Variants in SNX5 observed in about 807,000 individuals in gnomAD.
SNX5 encodes sorting nexin-5.
SNX5 carries 31 observed loss-of-function variants against 53.9 expected under a neutral mutation model. That is an observed-to-expected ratio of 0.58 (90% CI 0.43 to 0.78). The LOEUF (loss-of-function observed/expected upper bound fraction) is 0.78, where lower values mean the gene tolerates loss of function less well. Ranked by LOEUF, SNX5 falls within the 30% of genes least tolerant of loss-of-function variation. The pLI is 0.00. For missense variants in SNX5, 471 were observed against 478.8 expected (o/e 0.98, Z 0.15); for synonymous variants, 168 against 171.1 (o/e 0.98, Z 0.14).
chr20:17,952,488 T>C, intron 5 of SNX5, 99 bp downstream of exon 5: 1 of 1,214,886 alleles, frequency 8.2e-7, no homozygotes, highest in Non-Finnish European at 1.1e-6. Flanking sequence ...TTCCATTGTG[T>C]AAGAAATTCA....
chr20:17,961,408 T>C, intron 1 of SNX5: 1 of 985,466 alleles, frequency 1.0e-6, no homozygotes. Context: ...TAAGTGGTTA[T>C]GGTGACTGCA....
In SNX5 at chr20:17,968,481, GGCCGCC is replaced by G. The variant is rs767551520; in HGVS notation, c.-62_-57del. The G allele has an allele frequency of 2.3e-6, 3 of 1,283,400 alleles. No individual in the cohort carries two copies. The highest frequency in any genetic ancestry group is 3.1e-5 in the East Asian group (1 of 31,904). 79.5% of individuals were successfully genotyped at this position (1,283,400 alleles called of 1,614,324 possible). ...GGCTGTGCGAGGAAAGAAGAAGCTGGGCCGCCGCCGCCGCCGCCTGGGCGCCTCTCG... is the reference window on the plus strand; with the variant it reads ...GGCTGTGCGAGGAAAGAAGAAGCTGGGCCGCCGCCGCCTGGGCGCCTCTCG... On this transcript the variant is annotated 5_prime_UTR_variant, in exon 1 of 13. Transcript: ENST00000377759.
At chr20:17,967,259 C>A (rs780877914) in intron 1 of SNX5, among the ~76,000 whole-genome samples, 8 of 150,634 alleles carry the variant, frequency 5.3e-5, no homozygotes, top group Non-Finnish European at 1.0e-4. Context: ...ATTATCTACC[C>A]TTTATGGAGA....
intron 4 of SNX5, 106 bp from the exon 5 acceptor site, chr20:17,952,816 C>T: frequency 1.5e-6 from 2 of 1,334,538 alleles, no homozygotes; most frequent in African/African-American, 2.9e-5. Context: ...ACATAAAACA[C>T]TGCAACTGGA....
intron 11 of SNX5, chr20:17,945,656 G>C (rs2039478451): frequency 6.6e-6 from 1 of 151,658 alleles, no homozygotes; most frequent in African/African-American, 2.4e-5. Context: ...TTCAGAAACA[G>C]GGTAGCATGA....
intron 1 of SNX5, among the ~76,000 whole-genome samples, chr20:17,958,109 T>C (rs1330815155): frequency 6.6e-6 from 1 of 150,914 alleles, no homozygotes; most frequent in South Asian, 2.1e-4. Context: ...GCAGACAAGG[T>C]GGTGGTCAAT....
At chr20:17,966,167 T>C (rs1426480602) in intron 1 of SNX5, among the ~76,000 whole-genome samples, 3 of 152,066 alleles carry the variant, frequency 2.0e-5, no homozygotes, top group African/African-American at 4.8e-5. Context: ...AGCACTAGGC[T>C]GCGAAGGTCG....
chr20:17,947,496 A>G lies in SNX5; in HGVS notation c.1068T>C (p.Ser356=), dbSNP rs1174920602. 3.7e-6 allele frequency: 6 copies of G among 1,612,640 alleles called. No homozygotes were observed. The highest frequency in any genetic ancestry group is 5.1e-6 in the Non-Finnish European group (6 of 1,179,498). ...CCQKFEQLSE[S]AKEELINFKR... ...AATGTCCTGCTCAACCTTCTTTTGC[A>G]GATTCGGAAAGTTGTTCAAATTTCT... The change falls in exon 11 of 13, where the codon TCT becomes TCC. Residue 356 remains serine (S), a synonymous_variant. Coordinates refer to ENST00000377759, the MANE Select transcript of SNX5 (RefSeq NM_014426.4).
At position 17,947,319 on chromosome 20, in the gene SNX5, C is replaced by A. The variant is rs144441310; in HGVS notation, c.1078+167G>T. ...ACCAGGTGTGTAACGTTTGTAAGCA[C>A]GCAAAGCCATGAGGATGACTGTGCA... is the stretch of plus-strand genomic sequence containing the variant. On this transcript the variant is annotated intron_variant, in intron 11 of 12. Transcript: ENST00000377759. The A allele has an allele frequency of 2.7e-3, 1,762 of 661,642 alleles. 23 individuals carry two copies. The African/African-American group carries it at 0.027, about 10-fold the overall frequency. The allele number at this position is 661,642 out of a possible 1,614,324, so 41.0% of individuals were successfully genotyped here. A position where few individuals can be genotyped will look rare whatever the true frequency, so the allele number is the denominator to read the frequency against.
At chr20:17,947,372 A>G in intron 11 of SNX5, 114 bp downstream of exon 11, 1 of 1,114,788 alleles carries the variant, frequency 9.0e-7, no homozygotes, top group Admixed American at 2.4e-5. Context: ...AGAGGGGTGA[A>G]GTGCTGACAC....
chr20:17,965,443 A>G (rs6111761), intron 1 of SNX5, among the ~76,000 whole-genome samples: 41,426 of 152,154 alleles, frequency 0.27, 5,984 homozygotes, highest in East Asian at 0.44. Context: ...GCCTTGGCCA[A>G]GCACAATGGC....
At chr20:17,950,026 T>G (rs1396543912) in intron 8 of SNX5, 106 bp downstream of exon 8, 4 of 899,816 alleles carry the variant, frequency 4.4e-6, no homozygotes, top group Non-Finnish European at 5.3e-6. Context: ...ACTGAGCTTG[T>G]AACTCCAGAG....
chr20:17,947,347 T>C (rs1316269993), intron 11 of SNX5, 139 bp downstream of exon 11: 7 of 838,618 alleles, frequency 8.3e-6, no homozygotes, highest in African/African-American at 1.7e-5. Flanking sequence ...ACTGTGCATG[T>C]GCAAGTGATA....
Position 17,968,491 on chromosome 20 carries a change from G to A in SNX5, c.-66C>T, listed in dbSNP as rs1338220553. 3 of 1,273,680 alleles carry A rather than the reference G, an allele frequency of 2.4e-6. No homozygotes were observed. The highest frequency in any genetic ancestry group is 3.1e-5 in the East Asian group (1 of 31,904). 78.9% of individuals were successfully genotyped at this position (1,273,680 alleles called of 1,614,324 possible). A position where few individuals can be genotyped will look rare whatever the true frequency, so the allele number is the denominator to read the frequency against. On this transcript the variant is annotated 5_prime_UTR_variant, in exon 1 of 13. Transcript: ENST00000377759. Reference sequence around the variant, plus strand: ...GGAAAGAAGAAGCTGGGCCGCCGCCGCCGCCGCCTGGGCGCCTCTCGGGGG... The same window carrying A: ...GGAAAGAAGAAGCTGGGCCGCCGCCACCGCCGCCTGGGCGCCTCTCGGGGG...
chr20:17,949,165 C>T, intron 8 of SNX5, 62 bp from the exon 9 acceptor site: 2 of 1,423,234 alleles, frequency 1.4e-6, no homozygotes. Flanking sequence ...ATGATCTTAC[C>T]AGTGTGCAAG....
chr20:17,967,525 G>A (rs1322657039), intron 1 of SNX5, among the ~76,000 whole-genome samples: 2 of 152,086 alleles, frequency 1.3e-5, no homozygotes, highest in East Asian at 1.9e-4. Flanking sequence ...AGTTAAGACG[G>A]CTCCAAATTA....
intron 4 of SNX5, among the ~76,000 whole-genome samples, chr20:17,953,243 G>A (rs1019146947): frequency 6.6e-6 from 1 of 152,198 alleles, no homozygotes; most frequent in African/African-American, 2.4e-5. Context: ...GGAGGTTTGA[G>A]TGCTGCCCTA....
Position 17,951,559 on chromosome 20 carries a change from CA to C in SNX5, c.549del (p.Phe183LeufsTer9). 6.2e-7 allele frequency: 1 copy of C among 1,612,442 alleles called. No homozygotes were observed. Among genetic ancestry groups the C allele is most frequent in the Non-Finnish European group, 8.5e-7 (1 of 1,179,562 alleles). ...SVRRKNTKEM[F>X]GGFFKSVVKS... ...TTCACCACACTTTTGAAGAAGCCAC[CA>C]AACATCTCTTTAGTATTTTTCCGCC... On this transcript the variant is annotated frameshift_variant, in exon 6 of 13. Coordinates refer to ENST00000377759, the MANE Select transcript of SNX5 (RefSeq NM_014426.4). LOFTEE classifies it high-confidence loss of function.
chr20:17,950,001 C>A, intron 8 of SNX5, 131 bp downstream of exon 8: 1 of 711,064 alleles, frequency 1.4e-6, no homozygotes. Context: ...AAGATGAGTG[C>A]TAGAGACTTG....
Sources: gnomAD v4.1 joint callset for allele counts (sites outside exome capture counted in the v4.1 genomes callset) on GRCh38, gnomAD v4.1.1 for gene constraint, MANE v1.5 for transcripts, NCBI Gene and HGNC (gene_info 2026-07-23, HGNC 2026-07-21) for gene names.